The following MRPL45 variants were observed in gnomAD, a reference collection of about 807,000 sequenced individuals.
MRPL45 encodes the protein large ribosomal subunit protein mL45.
MRPL45 carries 20 observed loss-of-function variants against 38.1 expected under a neutral mutation model. That is an observed-to-expected ratio of 0.53 (90% CI 0.37 to 0.76). The LOEUF is 0.76. Among genes scored for constraint, MRPL45 ranks in the 30% least tolerant of loss-of-function variants. MRPL45 has a pLI of 0.00. For missense variants in MRPL45, 337 were observed against 395.6 expected (o/e 0.85, Z 1.26); for synonymous variants, 105 against 128.8 (o/e 0.82, Z 1.25).
intron 4 of MRPL45, among the ~76,000 whole-genome samples, chr17:38,317,730 C>T (rs8077729): frequency 6.6e-6 from 1 of 151,730 alleles, no homozygotes; most frequent in Non-Finnish European, 1.5e-5. Context: ...TGCTACTACT[C>T]TCGGCTAATT....
Position 38,320,741 on chromosome 17 carries a change from A to C in MRPL45, c.634A>C (p.Ile212Leu), listed in dbSNP as rs149351371. 2.1e-4 allele frequency: 338 copies of C among 1,613,978 alleles called. No homozygotes were observed. Among genetic ancestry groups the C allele is most frequent in the Non-Finnish European group, 2.7e-4 (321 of 1,180,030 alleles). Reference protein sequence around the residue: ...MMNQGNVYGQITVRMHTRQTL... With the variant: ...MMNQGNVYGQLTVRMHTRQTL... ...GAACCAGGGCAACGTGTACGGCCAG[A>C]TCACCGTACGCATGCACACCCGGCA... The change falls in exon 6 of 8, where the codon ATC becomes CTC. Residue 212 changes from isoleucine to leucine, a missense_variant. Transcript: ENST00000613675.
intron 4 of MRPL45, among the ~76,000 whole-genome samples, chr17:38,318,347 C>T (rs140992752): frequency 0.012 from 1,749 of 151,872 alleles, 14 homozygotes; most frequent in Non-Finnish European, 0.017. Flanking sequence ...GAGCAAAAAT[C>T]AGGTCCTATG....
Position 38,322,655 on chromosome 17 carries a change from C to A in MRPL45, c.*60C>A. ...ATGAGGCTGCTGGAAGCTTTGAAGT[C>A]TCCCATTCCCCTCATGCTATAAAAA... On this transcript the variant is annotated 3_prime_UTR_variant, in exon 8 of 8. Coordinates refer to ENST00000613675, the MANE Select transcript of MRPL45 (RefSeq NM_032351.6). 1 of 1,292,724 alleles carries A rather than the reference C, an allele frequency of 7.7e-7. No individual in the cohort carries two copies. Among genetic ancestry groups the A allele is most frequent in the South Asian group, 1.2e-5 (1 of 80,796 alleles). 80.1% of individuals were successfully genotyped at this position (1,292,724 alleles called of 1,614,324 possible).
chr17:38,317,511 C>A (rs2037185897), intron 4 of MRPL45, among the ~76,000 whole-genome samples: 1 of 151,994 alleles, frequency 6.6e-6, no homozygotes, highest in South Asian at 2.1e-4. Context: ...AGCTAGGAAC[C>A]CTCCTAAAAT....
rs1450549631 is a variant in MRPL45, at chr17:38,302,817, C to T, written c.362+3349C>T. On this transcript the variant is annotated intron_variant, in intron 3 of 7. Coordinates refer to ENST00000613675, the MANE Select transcript of MRPL45 (RefSeq NM_032351.6). ...TCGGCCCACTGCAGCCTCTGCCTCC[C>T]AGGTTCAAGTGATTCTCCTGCCTCA... Among the ~76,000 whole-genome samples the T allele has an allele frequency of 5.4e-5, 8 of 149,524 alleles. No individual in the cohort carries two copies. The South Asian group carries it at 1.7e-3, about 32-fold the overall frequency.
At chr17:38,321,021 G>T (rs1382878604) in intron 6 of MRPL45, among the ~76,000 whole-genome samples, 7 of 151,948 alleles carry the variant, frequency 4.6e-5, no homozygotes, top group African/African-American at 1.7e-4. Context: ...CTGTCACCCA[G>T]GCTGGAGTGC....
chr17:38,304,541 TTTTTA>T (rs902986536), intron 3 of MRPL45, among the ~76,000 whole-genome samples: 9 of 151,824 alleles, frequency 5.9e-5, no homozygotes, highest in African/African-American at 2.2e-4. Flanking sequence ...TTGTAATTAC[TTTTTA>T]TTTTATTTTT....
At chr17:38,305,233 C>A (rs1293459709) in intron 3 of MRPL45, among the ~76,000 whole-genome samples, 4 of 126,156 alleles carry the variant, frequency 3.2e-5, no homozygotes, top group African/African-American at 7.8e-5. Context: ...CTTTGGGAGG[C>A]CGAGGCAGGC....
At chr17:38,310,370 C>T (rs1286051522) in intron 4 of MRPL45, among the ~76,000 whole-genome samples, 1 of 150,870 alleles carries the variant, frequency 6.6e-6, no homozygotes, top group Non-Finnish European at 1.5e-5. Flanking sequence ...GCTCTGTCAC[C>T]CTGGCTGGAG....
chr17:38,322,184 A>G lies in MRPL45; in HGVS notation c.719A>G (p.Lys240Arg). The G allele has an allele frequency of 6.2e-7, 1 of 1,614,178 alleles. No homozygotes were observed. Among genetic ancestry groups the G allele is most frequent in the Non-Finnish European group, 8.5e-7 (1 of 1,180,030 alleles). ...ATGTATGGACAGGAAGATGTACCCAAGGATGTCCTGGAGTATGTTGTATTC... is the reference window on the plus strand; with the variant it reads ...ATGTATGGACAGGAAGATGTACCCAGGGATGTCCTGGAGTATGTTGTATTC... ...RLMYGQEDVP[K>R]DVLEYVVFEK... Residue 240 changes from lysine (K) to arginine (R), a missense_variant, in exon 7 of 8, where the codon AAG (lysine) becomes AGG (arginine). Physicochemically the swap from Lys to Arg is conservative, Grantham distance 26. Around this residue, in one of 3 missense-constraint regions of MRPL45, gnomAD observed 251 missense variants for 269.1 expected, o/e 0.93. Coordinates refer to ENST00000613675, the MANE Select transcript of MRPL45 (RefSeq NM_032351.6).
intron 3 of MRPL45, among the ~76,000 whole-genome samples, chr17:38,303,812 C>T (rs375497906): frequency 1.3e-5 from 2 of 150,810 alleles, no homozygotes; most frequent in East Asian, 2.0e-4. Flanking sequence ...CTGCAACTTC[C>T]GCCTCCCGGG....
intron 1 of MRPL45, among the ~76,000 whole-genome samples, chr17:38,297,837 C>G (rs1195646989): frequency 6.6e-6 from 1 of 152,198 alleles, no homozygotes; most frequent in African/African-American, 2.4e-5. Context: ...GTGGTTCACA[C>G]TTGTAATCCC....
Position 38,313,314 on chromosome 17 carries a change from A to ATATATATATATATACG in MRPL45, c.462-5359_462-5358insCGTATATATATATATA, listed in dbSNP as rs1597652552. ...CTTTCTATTAAAAAAAAAAAAAAAT[A>ATATATATATATATACG]TATATATATATATATATACATATAT... On this transcript the variant is annotated intron_variant, in intron 4 of 7. Coordinates refer to ENST00000613675, the MANE Select transcript of MRPL45 (RefSeq NM_032351.6). Among the ~76,000 whole-genome samples the ATATATATATATATACG allele has an allele frequency of 9.0e-3, 13 of 1,444 alleles. No individual in the cohort carries two copies. In the East Asian group the frequency reaches 0.15, roughly 16 times the overall value. 0.9% of individuals were successfully genotyped at this position (1,444 alleles called of 152,430 possible).
In MRPL45 at chr17:38,320,739, A is replaced by C; in HGVS notation, c.632A>C (p.Gln211Pro). 1 of 1,614,136 alleles carries C rather than the reference A, an allele frequency of 6.2e-7. No individual in the cohort carries two copies. The highest frequency in any genetic ancestry group is 8.5e-7 in the Non-Finnish European group (1 of 1,180,032). ...ATGAACCAGGGCAACGTGTACGGCC[A>C]GATCACCGTACGCATGCACACCCGG... ...SMMNQGNVYG[Q>P]ITVRMHTRQT... The change falls in exon 6 of 8, where the codon CAG (glutamine) becomes CCG (proline). Residue 211 changes from glutamine (Q) to proline (P), a missense_variant. Physicochemically the swap from Gln to Pro is moderately conservative, Grantham distance 76. Transcript: ENST00000613675.
intron 3 of MRPL45, among the ~76,000 whole-genome samples, chr17:38,302,505 AGTT>A (rs2037008174): frequency 5.9e-5 from 3 of 50,588 alleles, no homozygotes; most frequent in Non-Finnish European, 9.9e-5. Context: ...AAAAAAAAAA[AGTT>A]TGTTTTTTTT....
intron 3 of MRPL45, among the ~76,000 whole-genome samples, chr17:38,305,925 G>A (rs1291594118): frequency 6.6e-6 from 1 of 151,906 alleles, no homozygotes; most frequent in African/African-American, 2.4e-5. Flanking sequence ...TTACAGACGT[G>A]AGCCACCGCG....
intron 3 of MRPL45, among the ~76,000 whole-genome samples, chr17:38,300,036 A>G (rs1322091058): frequency 6.6e-6 from 1 of 151,090 alleles, no homozygotes; most frequent in African/African-American, 2.5e-5. Context: ...CACCACGCCC[A>G]GCCCTTTATT....
chr17:38,306,144 T>C (rs866552644), intron 3 of MRPL45, among the ~76,000 whole-genome samples: 3 of 151,564 alleles, frequency 2.0e-5, no homozygotes, highest in African/African-American at 4.8e-5. Context: ...GCGTGGTAGC[T>C]CACGCCTGTA....
At chr17:38,321,377 G>A (rs1373011997) in intron 6 of MRPL45, among the ~76,000 whole-genome samples, 1 of 152,052 alleles carries the variant, frequency 6.6e-6, no homozygotes, top group African/African-American at 2.4e-5. Flanking sequence ...AGAATTCCGA[G>A]ATAACTTTTT....
Sources: gnomAD v4.1 joint callset for allele counts (sites outside exome capture counted in the v4.1 genomes callset) on GRCh38, gnomAD v4.1.1 for gene constraint, gnomAD v4.1.1 regional missense constraint, MANE v1.5 for transcripts, NCBI Gene and HGNC (gene_info 2026-07-23, HGNC 2026-07-21) for gene names.